Variants in PI4KA observed in about 807,000 individuals in gnomAD.
PI4KA encodes phosphatidylinositol 4-kinase alpha.
Under a neutral mutation model 271.4 loss-of-function variants are expected in PI4KA, and 122 were observed. The ratio of observed to expected loss-of-function variants is 0.45; its 90% CI spans 0.39 to 0.52. PI4KA has a LOEUF of 0.52. Among genes scored for constraint, PI4KA ranks in the 20% least tolerant of loss-of-function variants. The pLI is 0.00. For missense variants in PI4KA, 1,969 were observed against 2,769.1 expected (o/e 0.71, Z 6.48); for synonymous variants, 1,041 against 1,078.8 (o/e 0.96, Z 0.69).
intron 45 of PI4KA, among the ~76,000 whole-genome samples, chr22:20,716,814 G>A (rs185351802): frequency 3.9e-5 from 6 of 152,366 alleles, no homozygotes; most frequent in African/African-American, 1.4e-4. Flanking sequence ...AAGCCGTGCT[G>A]TTGTGTGAGC....
chr22:20,735,962 C>G (rs546981531), intron 32 of PI4KA, among the ~76,000 whole-genome samples: 2 of 152,324 alleles, frequency 1.3e-5, no homozygotes, highest in South Asian at 4.1e-4. Context: ...GTGGCTGCCT[C>G]TGTGCCAGGG....
chr22:20,794,162 G>A (rs1274216221), intron 18 of PI4KA, among the ~76,000 whole-genome samples: 1 of 152,242 alleles, frequency 6.6e-6, no homozygotes, highest in Non-Finnish European at 1.5e-5. Context: ...GGCCACAAGG[G>A]TGGCCCTGCC....
chr22:20,711,947 G>A lies in PI4KA; in HGVS notation c.5803-486C>T, dbSNP rs544094752. 5.3e-4 allele frequency among the ~76,000 whole-genome samples: 80 copies of A among 151,732 alleles called. 1 individual carries two copies. In the South Asian group the frequency reaches 0.016, roughly 31 times the overall value. On this transcript the variant is annotated intron_variant, in intron 50 of 54. Coordinates refer to ENST00000255882, the MANE Select transcript of PI4KA (RefSeq NM_058004.4). ...TTTAGTAGAGATGGGGTTTCACCAT[G>A]TTGGTCAGGATGGTCTCGATCTCTT...
chr22:20,727,660 C>A (rs1036996718), intron 40 of PI4KA, 114 bp downstream of exon 40: 29 of 792,140 alleles, frequency 3.7e-5, no homozygotes, highest in Middle Eastern at 2.4e-4. Flanking sequence ...CCATGAATAG[C>A]ACTGAAGTTG....
At chr22:20,762,589 C>A (rs1932085673) in intron 22 of PI4KA, among the ~76,000 whole-genome samples, 1 of 152,194 alleles carries the variant, frequency 6.6e-6, no homozygotes, top group African/African-American at 2.4e-5. Context: ...ATGGGAAAGG[C>A]AGAGGTAGCT....
intron 18 of PI4KA, among the ~76,000 whole-genome samples, chr22:20,793,889 G>C (rs982582548): frequency 2.0e-5 from 3 of 152,238 alleles, no homozygotes; most frequent in Non-Finnish European, 2.9e-5. Flanking sequence ...ACTGGCCTAA[G>C]CCGACTTGAT....
At chr22:20,833,469 G>A (rs988400839) in intron 3 of PI4KA, among the ~76,000 whole-genome samples, 2 of 152,118 alleles carry the variant, frequency 1.3e-5, no homozygotes, top group Admixed American at 6.5e-5. Flanking sequence ...AGTGGTGCAC[G>A]GCCGCTGGGG....
In PI4KA at chr22:20,765,223, T is replaced by C. The variant is rs2147397913; in HGVS notation, c.2451A>G (p.Glu817=). The C allele has an allele frequency of 5.0e-6, 8 of 1,612,010 alleles. No individual in the cohort carries two copies. The highest frequency in any genetic ancestry group is 5.9e-6 in the Non-Finnish European group (7 of 1,178,956). ...TTTCACAGACCCCCTCGTACCATTCTTCTGGCCAGAGTCCTGCAATAAAGT... is the reference window on the plus strand; with the variant it reads ...TTTCACAGACCCCCTCGTACCATTCCTCTGGCCAGAGTCCTGCAATAAAGT... ...FAVEGSGLWP[E]EWYEGVCEIA... is the part of the protein sequence containing the mutation. Residue 817 remains glutamate (E), a synonymous_variant, in exon 21 of 55, where the codon GAA becomes GAG. Transcript: ENST00000255882.
At chr22:20,812,012 C>CAAAAAA (rs361795) in intron 8 of PI4KA, among the ~76,000 whole-genome samples, 19 of 77,424 alleles carry the variant, frequency 2.5e-4, no homozygotes, top group East Asian at 3.4e-4. Context: ...GACTCCATCT[C>CAAAAAA]AAAAAAAAAA....
At chr22:20,802,813 CA>C (rs1022208764) in intron 13 of PI4KA, among the ~76,000 whole-genome samples, 1 of 152,214 alleles carries the variant, frequency 6.6e-6, no homozygotes, top group Admixed American at 6.5e-5. Context: ...CACTAGCACA[CA>C]GCAGGTGTTT....
At chr22:20,848,426 T>C (rs1184489512) in intron 1 of PI4KA, among the ~76,000 whole-genome samples, 1 of 151,942 alleles carries the variant, frequency 6.6e-6, no homozygotes, top group African/African-American at 2.4e-5. Flanking sequence ...AAGGACAAAA[T>C]TGGAGGACTC....
rs148759159 is a variant in PI4KA at position 20,801,600 on chromosome 22, T to C, written c.1724+373A>G. ...GACTGTATAAAAAAAAATGTATAAA[T>C]GGGGTGGGTGCAGTGGCTCACACCT... On this transcript the variant is annotated intron_variant, in intron 14 of 54. Coordinates refer to ENST00000255882, the MANE Select transcript of PI4KA (RefSeq NM_058004.4). Among the ~76,000 whole-genome samples, 170 of 145,900 alleles carry C rather than the reference T, an allele frequency of 1.2e-3. 2 individuals are homozygous for C. In the East Asian group the frequency reaches 0.017, roughly 15 times the overall value.
chr22:20,760,196 T>A (rs150839699), intron 23 of PI4KA, among the ~76,000 whole-genome samples: 13 of 152,348 alleles, frequency 8.5e-5, no homozygotes, highest in African/African-American at 3.1e-4. Context: ...AAAGAATTTA[T>A]TCATACAGTT....
chr22:20,766,046 C>T (rs989752958), intron 19 of PI4KA, among the ~76,000 whole-genome samples: 48 of 152,070 alleles, frequency 3.2e-4, no homozygotes, highest in African/African-American at 1.2e-3. Flanking sequence ...AAAACTTAGC[C>T]AGGAAAGAAG....
At chr22:20,727,714 G>T in intron 40 of PI4KA, 60 bp downstream of exon 40, 4 of 1,249,966 alleles carry the variant, frequency 3.2e-6, no homozygotes, top group South Asian at 1.3e-5. Context: ...AGGCATTTCT[G>T]GGTGCAGTGT....
intron 7 of PI4KA, among the ~76,000 whole-genome samples, chr22:20,815,091 A>G (rs1921597964): frequency 6.6e-6 from 1 of 152,124 alleles, no homozygotes; most frequent in Non-Finnish European, 1.5e-5. Context: ...ACTATAATAG[A>G]AAACTATGAG....
intron 1 of PI4KA, among the ~76,000 whole-genome samples, chr22:20,857,123 T>C (rs1358731264): frequency 6.6e-6 from 1 of 152,230 alleles, no homozygotes; most frequent in Non-Finnish European, 1.5e-5. Context: ...GCCTTTTTGT[T>C]GCTCTTCACA....
chr22:20,742,262 C>T lies in PI4KA; in HGVS notation c.3707G>A (p.Trp1236Ter), dbSNP rs990464225. The T allele has an allele frequency of 1.9e-6, 3 of 1,614,050 alleles. No homozygotes were observed. Among genetic ancestry groups the T allele is most frequent in the Admixed American group, 3.3e-5 (2 of 60,004 alleles). ...GMETALACWE[W>*]LLAGKDGVEV... ...CACTCCATCCTTGCCAGCCAGCAGC[C>T]ACTCCCAGCAGGCCAGGGCCGTCTC... Residue 1236 changes from tryptophan to a stop codon, truncating the protein, a stop_gained, in exon 32 of 55, where the codon TGG becomes TAG. Coordinates refer to ENST00000255882, the MANE Select transcript of PI4KA (RefSeq NM_058004.4). LOFTEE classifies it high-confidence loss of function.
At chr22:20,790,992 C>T (rs1305387627) in intron 19 of PI4KA, among the ~76,000 whole-genome samples, 2 of 152,084 alleles carry the variant, frequency 1.3e-5, no homozygotes, top group Non-Finnish European at 2.9e-5. Flanking sequence ...TCTGCCTGTA[C>T]CACCCACCCC....
Sources: allele counts gnomAD v4.1 joint callset (sites outside exome capture counted in the v4.1 genomes callset), GRCh38; gene constraint gnomAD v4.1.1; transcripts MANE v1.5; gene names NCBI Gene and HGNC (gene_info 2026-07-23, HGNC 2026-07-21).